KIAA0825: variants seen among roughly 807,000 people sequenced by gnomAD.
The protein encoded by KIAA0825 is uncharacterized protein KIAA0825.
Under a neutral mutation model 147.6 loss-of-function variants are expected in KIAA0825, and 119 were observed. That is an observed-to-expected ratio of 0.81 (90% CI 0.69 to 0.94). The LOEUF is 0.94. Among genes scored for constraint, KIAA0825 ranks in the 40% least tolerant of loss-of-function variants. The probability of loss-of-function intolerance (pLI) is 0.00; values close to 1 mark genes in which losing one functional copy is unlikely to be tolerated. For missense variants in KIAA0825, 1,381 were observed against 1,472.7 expected, an observed-to-expected ratio of 0.94 and a Z score of 1.02; for synonymous variants, 470 against 518.1, an observed-to-expected ratio of 0.91 and a Z score of 1.26.
At chr5:94,511,317 C>CA (rs2151164595) in intron 5 of KIAA0825, among the ~76,000 whole-genome samples, 1 of 152,274 alleles carries the variant, frequency 6.6e-6, no homozygotes, top group East Asian at 1.9e-4. Context: ...TCCTCTAAGG[C>CA]AAAAACAAAT....
At chr5:94,468,476 C>T (rs756980774) in intron 10 of KIAA0825, among the ~76,000 whole-genome samples, 15 of 152,188 alleles carry the variant, frequency 9.9e-5, no homozygotes, top group Non-Finnish European at 1.8e-4. Flanking sequence ...TAATTCTTAT[C>T]TCAGGCTACC....
chr5:94,563,294 C>T (rs1308484974), intron 2 of KIAA0825, among the ~76,000 whole-genome samples: 3 of 151,454 alleles, frequency 2.0e-5, no homozygotes, highest in African/African-American at 7.3e-5. Context: ...GGAGGCGGAG[C>T]TTGCAGTGAG....
chr5:94,497,759 C>G (rs188749296), intron 5 of KIAA0825, among the ~76,000 whole-genome samples: 5 of 152,318 alleles, frequency 3.3e-5, no homozygotes, highest in African/African-American at 1.2e-4. Context: ...TGTTAACACA[C>G]AGATTGCCAG....
chr5:94,179,723 A>G (rs186813935), intron 20 of KIAA0825, among the ~76,000 whole-genome samples: 143 of 152,214 alleles, frequency 9.4e-4, no homozygotes, highest in African/African-American at 3.4e-3. Flanking sequence ...AGAAAAAACG[A>G]TGGGAGCATA....
chr5:94,479,060 A>G (rs1762208179), intron 6 of KIAA0825, among the ~76,000 whole-genome samples: 1 of 152,160 alleles, frequency 6.6e-6, no homozygotes, highest in South Asian at 2.1e-4. Flanking sequence ...TATATGGTAT[A>G]TTTGTTACAG....
At chr5:94,364,060 G>T (rs1451414757) in intron 20 of KIAA0825, among the ~76,000 whole-genome samples, 1 of 151,892 alleles carries the variant, frequency 6.6e-6, no homozygotes, top group African/African-American at 2.4e-5. Flanking sequence ...AGCAGGAAAA[G>T]CACGAGATCC....
chr5:94,155,716 A>G (rs1583688913), intron 20 of KIAA0825, among the ~76,000 whole-genome samples: 1 of 152,304 alleles, frequency 6.6e-6, no homozygotes, highest in African/African-American at 2.4e-5. Context: ...CCTAGCCTCA[A>G]ACTTGTCTGG....
chr5:94,376,716 C>G (rs1747631792), intron 20 of KIAA0825, among the ~76,000 whole-genome samples: 1 of 152,100 alleles, frequency 6.6e-6, no homozygotes, highest in Admixed American at 6.5e-5. Context: ...TAGAGCGAGT[C>G]ACTGAGTCTG....
chr5:94,552,576 G>C (rs1336893857), intron 2 of KIAA0825, among the ~76,000 whole-genome samples: 1 of 151,732 alleles, frequency 6.6e-6, no homozygotes, highest in Non-Finnish European at 1.5e-5. Flanking sequence ...TATCACAATG[G>C]AATAAAACTA....
chr5:94,452,044 C>A (rs1758481796), intron 13 of KIAA0825, among the ~76,000 whole-genome samples: 1 of 152,132 alleles, frequency 6.6e-6, no homozygotes, highest in Admixed American at 6.5e-5. Flanking sequence ...ATTTCTAGGA[C>A]TCAAACATAA....
At chr5:94,315,593 A>T (rs1167093349) in intron 20 of KIAA0825, among the ~76,000 whole-genome samples, 1 of 151,716 alleles carries the variant, frequency 6.6e-6, no homozygotes, top group Non-Finnish European at 1.5e-5. Flanking sequence ...TTAGTATGTT[A>T]GTCGAAATAC....
chr5:94,575,961 G>T (rs1235643391), intron 2 of KIAA0825, among the ~76,000 whole-genome samples: 10 of 152,192 alleles, frequency 6.6e-5, no homozygotes, highest in African/African-American at 2.4e-4. Flanking sequence ...GGTAGCTCAT[G>T]AATAGATTTT....
At chr5:94,161,882 T>G (rs960378326) in intron 20 of KIAA0825, among the ~76,000 whole-genome samples, 1 of 152,334 alleles carries the variant, frequency 6.6e-6, no homozygotes, top group East Asian at 1.9e-4. Flanking sequence ...CACATTCATG[T>G]CATCTTTGTT....
intron 6 of KIAA0825, among the ~76,000 whole-genome samples, chr5:94,477,512 A>G (rs974021451): frequency 3.3e-5 from 5 of 152,082 alleles, no homozygotes; most frequent in African/African-American, 1.2e-4. Context: ...TTCAAAATAA[A>G]GATTTTTGTC....
intron 5 of KIAA0825, among the ~76,000 whole-genome samples, chr5:94,491,924 C>T (rs1014251798): frequency 3.3e-5 from 5 of 152,164 alleles, no homozygotes; most frequent in African/African-American, 1.2e-4. Flanking sequence ...TAACCCAACA[C>T]AAGCTGAATA....
chr5:94,476,700 G>C (rs1761934123), intron 7 of KIAA0825, among the ~76,000 whole-genome samples: 1 of 152,186 alleles, frequency 6.6e-6, no homozygotes, highest in Non-Finnish European at 1.5e-5. Context: ...ATCTAGAGCA[G>C]AGCAGAGTGG....
chr5:94,519,586 A>T, intron 5 of KIAA0825: 2 of 599,720 alleles, frequency 3.3e-6, no homozygotes, highest in Non-Finnish European at 4.2e-6. Context: ...AAAATAGTAG[A>T]GAAACTTTAA....
At chr5:94,220,125 A>G (rs1026523466) in intron 20 of KIAA0825, among the ~76,000 whole-genome samples, 1 of 152,130 alleles carries the variant, frequency 6.6e-6, no homozygotes, top group Non-Finnish European at 1.5e-5. Context: ...TATTTTAAAA[A>G]CATTTTATTT....
At chr5:94,362,775 GAACA>G (rs1745255833) in intron 20 of KIAA0825, among the ~76,000 whole-genome samples, 1 of 152,226 alleles carries the variant, frequency 6.6e-6, no homozygotes, top group African/African-American at 2.4e-5. Flanking sequence ...ATGGAAGAAT[GAACA>G]AACAGTCACA....
Sources: allele counts gnomAD v4.1 joint callset (sites outside exome capture counted in the v4.1 genomes callset), GRCh38; gene constraint gnomAD v4.1.1; transcripts MANE v1.5; gene names NCBI Gene and HGNC (gene_info 2026-07-23, HGNC 2026-07-21).